SV2B: variants seen among roughly 807,000 people sequenced by gnomAD.
SV2B encodes the protein solute carrier family 22 member B2.
Under a neutral mutation model 73.9 loss-of-function variants are expected in SV2B, and 41 were observed. The observed-to-expected ratio is 0.56, with a 90% confidence interval of 0.43 to 0.72. The LOEUF is 0.72. Ranked by LOEUF, SV2B falls within the 30% of genes least tolerant of loss-of-function variation. The pLI, the probability that SV2B is intolerant of heterozygous loss-of-function variation, is 0.00. For synonymous variants in SV2B, 314 were observed against 314.2 expected (o/e 1.00, Z 0.01); for missense variants, 764 against 857.8 (o/e 0.89, Z 1.37).
Position 91,267,666 on chromosome 15 carries a change from T to G in SV2B, c.1208+23T>G, listed in dbSNP as rs2048153137. ...CAGGTAAGTTCTGTCTTACTTAAAT[T>G]TCGTAATTCCCTGTGCCTCAGTGGC... On this transcript the variant is annotated intron_variant, in intron 8 of 12. Coordinates refer to ENST00000394232, the MANE Select transcript of SV2B (RefSeq NM_001323032.3). This position sits in a 1 kb window ranked among gnomAD's most constrained non-coding sequence, Gnocchi z 4.3. 6.3e-7 allele frequency: 1 copy of G among 1,588,496 alleles called. No homozygotes were observed. The highest frequency in any genetic ancestry group is 8.6e-7 in the Non-Finnish European group (1 of 1,161,096).
At chr15:91,146,387 T>C (rs1384869555) in intron 1 of SV2B, among the ~76,000 whole-genome samples, 1 of 152,206 alleles carries the variant, frequency 6.6e-6, no homozygotes, top group Admixed American at 6.5e-5. Flanking sequence ...GCATGATGCC[T>C]GTGGCTTTGT....
At chr15:91,255,394 C>G (rs143274772) in intron 4 of SV2B, among the ~76,000 whole-genome samples, 1 of 152,260 alleles carries the variant, frequency 6.6e-6, no homozygotes, top group African/African-American at 2.4e-5. Context: ...ATCGTATGTT[C>G]TCACTCATAA....
chr15:91,143,929 C>G (rs16945257), intron 1 of SV2B, among the ~76,000 whole-genome samples: 23,137 of 152,016 alleles, frequency 0.15, 2,692 homozygotes, highest in African/African-American at 0.32. Flanking sequence ...TAGAGTCTGT[C>G]TTCTATTATG....
chr15:91,107,550 A>T (rs1466960941), intron 1 of SV2B, among the ~76,000 whole-genome samples: 1 of 151,942 alleles, frequency 6.6e-6, no homozygotes. Context: ...TTACCTTGTT[A>T]TCTGCCCGCC....
At chr15:91,111,244 T>C (rs1414811162) in intron 1 of SV2B, among the ~76,000 whole-genome samples, 1 of 152,176 alleles carries the variant, frequency 6.6e-6, no homozygotes, top group Admixed American at 6.5e-5. Flanking sequence ...GTTTATGTCT[T>C]GTTACTTTCA....
At chr15:91,203,683 C>A (rs1221520055) in intron 1 of SV2B, among the ~76,000 whole-genome samples, 1 of 152,086 alleles carries the variant, frequency 6.6e-6, no homozygotes, top group Non-Finnish European at 1.5e-5. Context: ...ATGGAGGGTA[C>A]AGTAGAAAAA....
In SV2B at chr15:91,260,336, A is replaced by G. The variant is rs1305042682; in HGVS notation, c.935A>G (p.Glu312Gly). 1.2e-5 allele frequency: 20 copies of G among 1,611,100 alleles called. No individual in the cohort carries two copies. Among genetic ancestry groups the G allele is most frequent in the Non-Finnish European group, 1.7e-5 (20 of 1,179,214 alleles). ...RFLLEMGKHD[E>G]AWMILKQVHD... ...TTTCACCAGATGGGCAAACATGATG[A>G]AGCCTGGATGATTCTCAAGCAAGTC... Residue 312 changes from glutamate (E) to glycine (G), a missense_variant, in exon 6 of 13, where the codon GAA (glutamate) becomes GGA (glycine). Transcript: ENST00000394232.
intron 11 of SV2B, among the ~76,000 whole-genome samples, chr15:91,285,291 T>A (rs2048822464): frequency 1.3e-5 from 2 of 152,138 alleles, no homozygotes; most frequent in Admixed American, 6.5e-5. Flanking sequence ...GGTGGAGTCA[T>A]CTCTTAGATA....
At position 91,140,731 on chromosome 15, in the gene SV2B, A is replaced by G. The variant is rs1385869393; in HGVS notation, c.-392+40368A>G. On this transcript the variant is annotated intron_variant, in intron 1 of 12. Transcript: ENST00000394232. The surrounding 1 kb of genome is among the most constrained non-coding windows in gnomAD (Gnocchi z 4.4). ...ACTAGATACTTCTGTGGCTTAAAAC[A>G]CCACCTTCTACCAAAGGCATGCTTC... Among the ~76,000 whole-genome samples, 1 of 152,132 alleles carries G rather than the reference A, an allele frequency of 6.6e-6. No homozygotes were observed. The highest frequency in any genetic ancestry group is 1.5e-5 in the Non-Finnish European group (1 of 68,022).
intron 2 of SV2B, among the ~76,000 whole-genome samples, chr15:91,233,782 C>T (rs1300913849): frequency 6.6e-6 from 1 of 152,178 alleles, no homozygotes; most frequent in Admixed American, 6.5e-5. Flanking sequence ...TGCTGATTCT[C>T]ATCAGGACCC....
Position 91,170,283 on chromosome 15 carries a change from G to C in SV2B, c.-391-55590G>C, listed in dbSNP as rs147748642. Among the ~76,000 whole-genome samples, 1,299 of 147,656 alleles carry C rather than the reference G, an allele frequency of 8.8e-3. 35 individuals carry two copies. The highest frequency in any genetic ancestry group is 0.069 in the South Asian group (327 of 4,764). ...TTATTAGAGAGATATATGCGGATTT[G>C]TTGGATTTTTTTTGTTTTTTTTGAG... On this transcript the variant is annotated intron_variant, in intron 1 of 12. Coordinates refer to ENST00000394232, the MANE Select transcript of SV2B (RefSeq NM_001323032.3).
At chr15:91,228,970 A>G (rs973408455) in intron 2 of SV2B, among the ~76,000 whole-genome samples, 4 of 152,192 alleles carry the variant, frequency 2.6e-5, no homozygotes, top group African/African-American at 9.7e-5. Flanking sequence ...AGATTCAGAG[A>G]GTTTTATCTA....
chr15:91,204,739 G>A (rs1290560482), intron 1 of SV2B, among the ~76,000 whole-genome samples: 1 of 151,802 alleles, frequency 6.6e-6, no homozygotes, highest in Non-Finnish European at 1.5e-5. Flanking sequence ...TAAATTTTTT[G>A]TAGAGATGAA....
chr15:91,108,016 G>A (rs973485797), intron 1 of SV2B, among the ~76,000 whole-genome samples: 3 of 152,064 alleles, frequency 2.0e-5, no homozygotes, highest in Admixed American at 2.0e-4. Context: ...GTGTGGTGGT[G>A]GTGATGATGA....
chr15:91,183,073 G>A (rs2044643135), intron 1 of SV2B, among the ~76,000 whole-genome samples: 1 of 152,182 alleles, frequency 6.6e-6, no homozygotes, highest in African/African-American at 2.4e-5. Context: ...TTAAAAATAT[G>A]TAGTCCTATA....
chr15:91,166,164 C>T (rs1316654240), intron 1 of SV2B, among the ~76,000 whole-genome samples: 1 of 152,064 alleles, frequency 6.6e-6, no homozygotes, highest in African/African-American at 2.4e-5. Context: ...TTGTGAGGCT[C>T]GTGTCCTGTA....
At chr15:91,228,482 A>C (rs1018984847) in intron 2 of SV2B, among the ~76,000 whole-genome samples, 2 of 152,176 alleles carry the variant, frequency 1.3e-5, no homozygotes, top group African/African-American at 4.8e-5. Flanking sequence ...TGAGACATTA[A>C]TTTGTTTTGC....
At chr15:91,146,969 G>C (rs1267991182) in intron 1 of SV2B, among the ~76,000 whole-genome samples, 1 of 152,164 alleles carries the variant, frequency 6.6e-6, no homozygotes, top group African/African-American at 2.4e-5. Context: ...TGCAATGTTT[G>C]CAAAGCTTCT....
chr15:91,165,564 G>C (rs2043884774), intron 1 of SV2B, among the ~76,000 whole-genome samples: 1 of 152,088 alleles, frequency 6.6e-6, no homozygotes, highest in Non-Finnish European at 1.5e-5. Flanking sequence ...GTGGATTTTG[G>C]TATCCACGGA....
Sources: allele counts gnomAD v4.1 joint callset (sites outside exome capture counted in the v4.1 genomes callset), GRCh38; gene constraint gnomAD v4.1.1; non-coding constraint Gnocchi (gnomAD v3.1); transcripts MANE v1.5; gene names NCBI Gene and HGNC (gene_info 2026-07-23, HGNC 2026-07-21).